Variants in KLHL41 observed in about 807,000 individuals in gnomAD.
KLHL41 encodes the protein kelch-like protein 41.
A neutral mutation model predicts 49.2 loss-of-function variants in KLHL41; 31 were observed. The observed-to-expected ratio is 0.63, with a 90% CI of 0.47 to 0.85. KLHL41 has a LOEUF of 0.85. Ranked by LOEUF, KLHL41 falls within the 40% of genes least tolerant of loss-of-function variation. The pLI is 0.00. For synonymous variants in KLHL41, 218 were observed against 258.5 expected, an observed-to-expected ratio of 0.84 and a Z score of 1.50; for missense variants, 663 against 726.7, an observed-to-expected ratio of 0.91 and a Z score of 1.01.
At chr2:169,522,171 G>C (rs1320862204) in intron 5 of KLHL41, among the ~76,000 whole-genome samples, 1 of 152,162 alleles carries the variant, frequency 6.6e-6, no homozygotes, top group African/African-American at 2.4e-5. Flanking sequence ...AAGCCTGAGA[G>C]TGAAAAGTGG....
intron 3 of KLHL41, among the ~76,000 whole-genome samples, chr2:169,517,266 C>G (rs1489002202): frequency 2.0e-5 from 3 of 152,104 alleles, no homozygotes; most frequent in African/African-American, 7.2e-5. Context: ...ATTTGAAATT[C>G]TGAACTCCCA....
intron 3 of KLHL41, among the ~76,000 whole-genome samples, chr2:169,517,679 G>A (rs1294079706): frequency 6.6e-6 from 1 of 152,166 alleles, no homozygotes; most frequent in African/African-American, 2.4e-5. Flanking sequence ...ATGATTTGTT[G>A]TCTAATCCAT....
intron 5 of KLHL41, among the ~76,000 whole-genome samples, chr2:169,523,885 G>A (rs1367101027): frequency 1.3e-5 from 2 of 152,084 alleles, no homozygotes; most frequent in Non-Finnish European, 2.9e-5. Context: ...AAAGTTGAAG[G>A]CCGCCGATCT....
At chr2:169,511,270 G>A (rs776517407) in intron 1 of KLHL41, among the ~76,000 whole-genome samples, 2 of 151,966 alleles carry the variant, frequency 1.3e-5, no homozygotes, top group Admixed American at 6.6e-5. Flanking sequence ...GGCTGGTCTC[G>A]AACTCCTGGG....
At chr2:169,520,735 G>A (rs1334758510) in intron 4 of KLHL41, 126 bp from the exon 5 acceptor site, 10 of 713,182 alleles carry the variant, frequency 1.4e-5, no homozygotes, top group Non-Finnish European at 2.1e-5. Flanking sequence ...TTACCGGCAT[G>A]AGCCACCGCG....
intron 4 of KLHL41, among the ~76,000 whole-genome samples, chr2:169,519,719 T>C (rs1202418010): frequency 6.7e-6 from 1 of 149,630 alleles, no homozygotes; most frequent in African/African-American, 2.5e-5. Flanking sequence ...TTTTCTATAA[T>C]GTACATATAT....
chr2:169,518,510 T>G (rs1263314088), intron 4 of KLHL41, 135 bp downstream of exon 4: 4 of 597,968 alleles, frequency 6.7e-6, no homozygotes, highest in Non-Finnish European at 1.1e-5. Flanking sequence ...AAGGAAGTAT[T>G]TTCATCTGGG....
At chr2:169,521,999 GAAAAAA>G (rs550531775) in intron 5 of KLHL41, among the ~76,000 whole-genome samples, 1 of 112,304 alleles carries the variant, frequency 8.9e-6, no homozygotes, top group African/African-American at 3.3e-5. Flanking sequence ...AGTCTTAAAA[GAAAAAA>G]AAAAAAAGAA....
intron 5 of KLHL41, among the ~76,000 whole-genome samples, chr2:169,524,876 T>C (rs1684278127): frequency 6.6e-6 from 1 of 151,648 alleles, no homozygotes; most frequent in Non-Finnish European, 1.5e-5. Flanking sequence ...CAACAAACTG[T>C]GCTTAAGGAA....
At chr2:169,518,585 T>G (rs1395455840) in intron 4 of KLHL41, among the ~76,000 whole-genome samples, 1 of 152,246 alleles carries the variant, frequency 6.6e-6, no homozygotes, top group Non-Finnish European at 1.5e-5. Flanking sequence ...GTCTGTAATC[T>G]GGAACACATG....
intron 4 of KLHL41, among the ~76,000 whole-genome samples, chr2:169,519,716 T>A (rs1460953868): frequency 6.6e-6 from 1 of 150,838 alleles, no homozygotes; most frequent in Non-Finnish European, 1.5e-5. Flanking sequence ...AGATTTTCTA[T>A]AATGTACATA....
intron 4 of KLHL41, 109 bp downstream of exon 4, chr2:169,518,484 A>G: frequency 2.7e-6 from 2 of 736,378 alleles, no homozygotes; most frequent in Admixed American, 5.9e-5. Context: ...GGGAGGGTAC[A>G]GAGCCACAGA....
At chr2:169,511,193 C>A (rs541516892) in intron 1 of KLHL41, among the ~76,000 whole-genome samples, 2 of 152,088 alleles carry the variant, frequency 1.3e-5, no homozygotes. Flanking sequence ...TCCCTCAAAG[C>A]CCAGTATTTT....
At position 169,518,244 on chromosome 2, in the gene KLHL41, T is replaced by C. The variant is rs1423898392; in HGVS notation, c.1431T>C (p.Asp477=). 2 of 1,613,964 alleles carry C rather than the reference T, an allele frequency of 1.2e-6. No individual in the cohort carries two copies. Among genetic ancestry groups the C allele is most frequent in the African/African-American group, 1.3e-5 (1 of 74,938 alleles). Residue 477 remains aspartate, a synonymous_variant, in exon 4 of 6, where the codon GAT becomes GAC. Transcript: ENST00000284669. ...IFNPKKGDWK[D]LAPMKIPRSM... ...ACCCCAAAAAAGGAGATTGGAAAGA[T>C]CTGGCTCCAATGAAAATTCCTCGTT... is the stretch of plus-strand genomic sequence containing the variant.
rs756906889 is a variant in KLHL41 at position 169,510,054 on chromosome 2, C to T, written c.276C>T (p.Tyr92=). The change falls in exon 1 of 6, where the codon TAC becomes TAT. Residue 92 remains tyrosine, a synonymous_variant. Transcript: ENST00000284669. The surrounding 1 kb of genome is among the most constrained non-coding windows in gnomAD (Gnocchi z 4.2). ...AILDLIIKYL[Y]SASIDLNDGN... ...TTGATTTAATCATCAAATACCTGTACTCTGCCAGTATTGATCTCAATGACG... is the reference window on the plus strand; with the variant it reads ...TTGATTTAATCATCAAATACCTGTATTCTGCCAGTATTGATCTCAATGACG... 5 of 1,614,036 alleles carry T rather than the reference C, an allele frequency of 3.1e-6. No homozygotes were observed. In the African/African-American group the frequency reaches 6.7e-5, roughly 22 times the overall value.
intron 1 of KLHL41, among the ~76,000 whole-genome samples, chr2:169,513,265 TC>T (rs1684057847): frequency 6.6e-6 from 1 of 152,194 alleles, no homozygotes; most frequent in African/African-American, 2.4e-5. Flanking sequence ...TATTTAATCT[TC>T]CTGTGCCTCG....
chr2:169,515,406 T>A (rs1684102114), intron 3 of KLHL41, among the ~76,000 whole-genome samples: 1 of 152,000 alleles, frequency 6.6e-6, no homozygotes, highest in African/African-American at 2.4e-5. Context: ...GGAGGGAAAA[T>A]CTTAAAATTT....
Position 169,514,603 on chromosome 2 carries a change from A to T in KLHL41, c.1140A>T (p.Gly380=). The change falls in exon 2 of 6, where the codon GGA becomes GGT. Residue 380 remains glycine (G), a synonymous_variant. Transcript: ENST00000284669. ...QLDSIASEWV[G]LPPLPSARCL... ...ATAGCATAGCATCTGAATGGGTTGG[A>T]CTTCCACCTCTGCCTTCAGCCAGGT... The T allele has an allele frequency of 6.2e-7, 1 of 1,613,942 alleles. No homozygotes were observed. The highest frequency in any genetic ancestry group is 1.7e-4 in the Middle Eastern group (1 of 6,060).
At position 169,525,738 on chromosome 2, in the gene KLHL41, G is replaced by T; in HGVS notation, c.*42G>T. 1 of 1,077,272 alleles carries T rather than the reference G, an allele frequency of 9.3e-7. No individual in the cohort carries two copies. Among genetic ancestry groups the T allele is most frequent in the South Asian group, 1.3e-5 (1 of 77,430 alleles). 66.7% of individuals were successfully genotyped at this position (1,077,272 alleles called of 1,614,324 possible). On this transcript the variant is annotated 3_prime_UTR_variant, in exon 6 of 6. Coordinates refer to ENST00000284669, the MANE Select transcript of KLHL41 (RefSeq NM_006063.3). ...TAATAGATTGGGAGGTGGTTTGTTTGGTGAATGGGGCTTTAATTTATTCTG... is the reference window on the plus strand; with the variant it reads ...TAATAGATTGGGAGGTGGTTTGTTTTGTGAATGGGGCTTTAATTTATTCTG...
Sources: allele counts gnomAD v4.1 joint callset (sites outside exome capture counted in the v4.1 genomes callset), GRCh38; gene constraint gnomAD v4.1.1; non-coding constraint Gnocchi (gnomAD v3.1); transcripts MANE v1.5; gene names NCBI Gene and HGNC (gene_info 2026-07-23, HGNC 2026-07-21).